The following AGBL1 variants were observed in gnomAD, a reference collection of about 807,000 sequenced individuals.
The protein encoded by AGBL1 is cytosolic carboxypeptidase 4.
In AGBL1, 130 loss-of-function variants were observed where a neutral mutation model predicts 118.9. That is an observed-to-expected ratio of 1.09 (90% confidence interval 0.95 to 1.26). AGBL1 has a LOEUF of 1.26. Ranked by LOEUF, AGBL1 falls within the 50% of genes most tolerant of loss-of-function variation. The pLI is 0.00. For synonymous variants in AGBL1, 555 were observed against 478.9 expected (o/e 1.16, Z -2.08); for missense variants, 1,584 against 1,298.1 (o/e 1.22, Z -3.38).
intron 6 of AGBL1, among the ~76,000 whole-genome samples, chr15:86,234,550 C>CAAA (rs397854519): frequency 2.4e-4 from 18 of 76,264 alleles, no homozygotes; most frequent in South Asian, 5.0e-4. Context: ...GACTCTATCT[C>CAAA]AAAAAAAAAA....
chr15:86,236,002 C>T (rs975820146), intron 6 of AGBL1, among the ~76,000 whole-genome samples: 1 of 152,260 alleles, frequency 6.6e-6, no homozygotes, highest in African/African-American at 2.4e-5. Flanking sequence ...AAGAGATTGA[C>T]TGACTTGCCC....
intron 18 of AGBL1, 102 bp downstream of exon 18, chr15:86,397,648 C>A (rs2081388541): frequency 1.9e-6 from 2 of 1,062,620 alleles, no homozygotes; most frequent in Non-Finnish European, 2.7e-6. Context: ...GGTACTCTGT[C>A]GAGAATAAAC....
At chr15:86,452,897 T>C (rs2082213487) in intron 18 of AGBL1, among the ~76,000 whole-genome samples, 1 of 152,198 alleles carries the variant, frequency 6.6e-6, no homozygotes, top group African/African-American at 2.4e-5. Flanking sequence ...GGAATTGCTC[T>C]TTCCCCTGGT....
At chr15:86,419,590 G>C (rs1304114233) in intron 18 of AGBL1, among the ~76,000 whole-genome samples, 1 of 151,738 alleles carries the variant, frequency 6.6e-6, no homozygotes. Flanking sequence ...TACCAAAGTG[G>C]TGCAGGAATG....
At chr15:86,940,142 C>CAAGA (rs2080732476) in intron 23 of AGBL1, among the ~76,000 whole-genome samples, 1 of 132,692 alleles carries the variant, frequency 7.5e-6, no homozygotes, top group Non-Finnish European at 1.6e-5. Flanking sequence ...CTTCTATGCT[C>CAAGA]AAGAGCTCCA....
chr15:86,806,955 A>G (rs949734725), intron 22 of AGBL1, among the ~76,000 whole-genome samples: 15 of 152,078 alleles, frequency 9.9e-5, no homozygotes, highest in African/African-American at 3.6e-4. Flanking sequence ...TCTGCATTGC[A>G]GAACTGAATC....
At chr15:86,249,094 T>C (rs1266534618) in intron 7 of AGBL1, among the ~76,000 whole-genome samples, 1 of 152,222 alleles carries the variant, frequency 6.6e-6, no homozygotes, top group Non-Finnish European at 1.5e-5. Flanking sequence ...TGATTAGGGC[T>C]AATTGAAATC....
chr15:86,343,233 A>G (rs1019709924), intron 17 of AGBL1, among the ~76,000 whole-genome samples: 2 of 152,118 alleles, frequency 1.3e-5, no homozygotes, highest in Admixed American at 6.5e-5. Flanking sequence ...TGGCCAATGG[A>G]AGATAATACA....
intron 19 of AGBL1, among the ~76,000 whole-genome samples, chr15:86,535,485 T>A (rs73457698): frequency 6.6e-6 from 1 of 152,196 alleles, no homozygotes; most frequent in Non-Finnish European, 1.5e-5. Context: ...TTCAAGTAAT[T>A]GGGGCTTCAG....
intron 22 of AGBL1, among the ~76,000 whole-genome samples, chr15:86,704,410 G>A (rs1453664615): frequency 6.6e-6 from 1 of 152,060 alleles, no homozygotes; most frequent in Non-Finnish European, 1.5e-5. Context: ...CTAATATCCA[G>A]AATCTACAAG....
intron 5 of AGBL1, among the ~76,000 whole-genome samples, chr15:86,185,819 T>C (rs903658041): frequency 6.6e-6 from 1 of 152,098 alleles, no homozygotes; most frequent in Non-Finnish European, 1.5e-5. Flanking sequence ...GACGAGTTAA[T>C]GGGTGCAGCA....
chr15:86,619,827 C>A (rs1324361463), intron 21 of AGBL1, among the ~76,000 whole-genome samples: 3 of 151,930 alleles, frequency 2.0e-5, no homozygotes, highest in Admixed American at 2.0e-4. Context: ...TTGAATTGAA[C>A]CTTAAATAAT....
intron 23 of AGBL1, among the ~76,000 whole-genome samples, chr15:86,969,211 C>T (rs1351406031): frequency 3.3e-5 from 5 of 151,942 alleles, no homozygotes; most frequent in Non-Finnish European, 7.4e-5. Context: ...AGGTACAACT[C>T]ATTCTGAGAG....
intron 3 of AGBL1, among the ~76,000 whole-genome samples, chr15:86,151,450 C>G (rs2077109374): frequency 6.6e-6 from 1 of 152,088 alleles, no homozygotes; most frequent in African/African-American, 2.4e-5. Context: ...TCAATAGATG[C>G]AGAAAAGGCC....
chr15:86,999,896 C>T (rs1330909291), intron 24 of AGBL1, among the ~76,000 whole-genome samples: 8,950 of 116,960 alleles, frequency 0.077, 515 homozygotes, highest in African/African-American at 0.18. Context: ...CTGTTGTTTC[C>T]TGACTTTTTA....
chr15:86,929,298 T>A (rs2080579560), intron 23 of AGBL1, among the ~76,000 whole-genome samples: 1 of 152,208 alleles, frequency 6.6e-6, no homozygotes, highest in African/African-American at 2.4e-5. Flanking sequence ...TTGAGATACC[T>A]TTTCAAGGTC....
chr15:86,405,164 G>T (rs2081506473), intron 18 of AGBL1, among the ~76,000 whole-genome samples: 1 of 152,196 alleles, frequency 6.6e-6, no homozygotes. Flanking sequence ...GACTATCTAA[G>T]TGTTAATCAG....
At chr15:86,308,473 C>T (rs1344360110) in intron 17 of AGBL1, among the ~76,000 whole-genome samples, 1 of 152,174 alleles carries the variant, frequency 6.6e-6, no homozygotes, top group African/African-American at 2.4e-5. Context: ...ATCAGACTTC[C>T]AGCCTCCAAA....
intron 21 of AGBL1, among the ~76,000 whole-genome samples, chr15:86,597,882 G>A (rs555925317): frequency 6.6e-6 from 1 of 152,242 alleles, no homozygotes; most frequent in East Asian, 1.9e-4. Context: ...GGAGGATTTT[G>A]GCTTTCTCTA....
Sources: allele counts gnomAD v4.1 joint callset (sites outside exome capture counted in the v4.1 genomes callset), GRCh38; gene constraint gnomAD v4.1.1; transcripts MANE v1.5; gene names NCBI Gene and HGNC (gene_info 2026-07-23, HGNC 2026-07-21).